The following RIPK1 variants were observed in gnomAD, a reference collection of about 807,000 sequenced individuals.
RIPK1 encodes receptor-interacting serine/threonine-protein kinase 1.
In RIPK1, 27 loss-of-function variants were observed where a neutral mutation model predicts 62.4. The ratio of observed to expected loss-of-function variants is 0.43; its 90% confidence interval spans 0.32 to 0.60. The LOEUF is 0.60. RIPK1 is among the 20% of genes least tolerant of loss of function. The pLI is 0.07. For missense variants in RIPK1, 735 were observed against 831.0 expected (o/e 0.88, Z 1.42); for synonymous variants, 287 against 303.2 (o/e 0.95, Z 0.55).
chr6:3,083,462 G>C, intron 5 of RIPK1, 149 bp downstream of exon 5: 1 of 663,608 alleles, frequency 1.5e-6, no homozygotes, highest in Non-Finnish European at 2.6e-6. Flanking sequence ...AACCTCGATA[G>C]TGTGTCATTA....
intron 2 of RIPK1, among the ~76,000 whole-genome samples, chr6:3,077,511 C>T (rs1479414231): frequency 1.3e-5 from 2 of 151,248 alleles, no homozygotes; most frequent in Non-Finnish European, 2.9e-5. Context: ...GGTTACCTTG[C>T]TGCTGTTCAT....
rs1426842914 is a variant in RIPK1 at position 3,114,147 on chromosome 6, G to A, written c.*808G>A. 1.3e-5 allele frequency: 2 copies of A among 152,184 alleles called. No homozygotes were observed. Among genetic ancestry groups the A allele is most frequent in the Admixed American group, 6.5e-5 (1 of 15,288 alleles). 9.4% of individuals were successfully genotyped at this position (152,184 alleles called of 1,614,324 possible). A position where few individuals can be genotyped will look rare whatever the true frequency, so the allele number is the denominator to read the frequency against. Reference sequence around the variant, plus strand: ...TTGTTGCAAGGAATTGGTACTAACCGTGACTACAACAAAAATTCTTGATTG... The same window carrying A: ...TTGTTGCAAGGAATTGGTACTAACCATGACTACAACAAAAATTCTTGATTG... On this transcript the variant is annotated 3_prime_UTR_variant, in exon 11 of 11. Coordinates refer to ENST00000259808, the MANE Select transcript of RIPK1 (RefSeq NM_001354930.2). The surrounding 1 kb of genome is among the most constrained non-coding windows in gnomAD (Gnocchi z 5.0).
chr6:3,105,909 A>G lies in RIPK1; in HGVS notation c.1434A>G (p.Pro478=), dbSNP rs954753274. ...LYSSHGFGTR[P]LDPGTAGPRV... is the part of the protein sequence containing the mutation. Reference sequence around the variant, plus strand: ...GCTCACATGGCTTTGGAACAAGACCACTGGATCCAGGAACAGCAGGTCCCA... The same window carrying G: ...GCTCACATGGCTTTGGAACAAGACCGCTGGATCCAGGAACAGCAGGTCCCA... The change falls in exon 9 of 11, where the codon CCA becomes CCG. Residue 478 remains proline (P), a synonymous_variant. Coordinates refer to ENST00000259808, the MANE Select transcript of RIPK1 (RefSeq NM_001354930.2). This position sits in a 1 kb window ranked among gnomAD's most constrained non-coding sequence, Gnocchi z 4.5. 3 of 1,614,158 alleles carry G rather than the reference A, an allele frequency of 1.9e-6. No individual in the cohort carries two copies. Among genetic ancestry groups the G allele is most frequent in the East Asian group, 4.5e-5 (2 of 44,886 alleles).
intron 6 of RIPK1, among the ~76,000 whole-genome samples, chr6:3,086,062 T>C (rs1759672954): frequency 6.6e-6 from 1 of 152,104 alleles, no homozygotes; most frequent in Non-Finnish European, 1.5e-5. Flanking sequence ...TCCCCTCCCT[T>C]GTTTAGCTGG....
At chr6:3,103,122 T>C (rs1446038889) in intron 7 of RIPK1, among the ~76,000 whole-genome samples, 1 of 152,118 alleles carries the variant, frequency 6.6e-6, no homozygotes, top group African/African-American at 2.4e-5. Flanking sequence ...TCATGGCTTA[T>C]TGGCCATTTG....
chr6:3,080,256 GA>G lies in RIPK1; in HGVS notation c.322-722del, dbSNP rs1444973525. On this transcript the variant is annotated intron_variant, in intron 3 of 10. Transcript: ENST00000259808. Reference sequence around the variant, plus strand: ...TTAGGAAACATCTTGTTTGTATACTGATTTTTTATTGTTAAGCAAAACTGTA... The same window carrying G: ...TTAGGAAACATCTTGTTTGTATACTGTTTTTTATTGTTAAGCAAAACTGTA... Among the ~76,000 whole-genome samples the G allele has an allele frequency of 1.4e-4, 22 of 152,220 alleles. 1 individual carries two copies. The East Asian group carries it at 4.2e-3, about 29-fold the overall frequency.
chr6:3,099,822 C>A (rs1760504117), intron 7 of RIPK1, among the ~76,000 whole-genome samples: 1 of 152,138 alleles, frequency 6.6e-6, no homozygotes, highest in Non-Finnish European at 1.5e-5. Flanking sequence ...CAACAAACTC[C>A]ACAAGCCCAT....
At chr6:3,102,255 C>T (rs560061404) in intron 7 of RIPK1, among the ~76,000 whole-genome samples, 245 of 152,148 alleles carry the variant, frequency 1.6e-3, no homozygotes, top group Middle Eastern at 6.8e-3. Flanking sequence ...TGGAAAATAC[C>T]ACACCTGACA....
intron 7 of RIPK1, among the ~76,000 whole-genome samples, chr6:3,103,852 ATTC>A (rs1157484837): frequency 6.6e-6 from 1 of 152,212 alleles, no homozygotes; most frequent in Non-Finnish European, 1.5e-5. Context: ...ATATGTGTAT[ATTC>A]AGTTTTCCCC....
At chr6:3,078,952 G>T (rs1255179244) in intron 3 of RIPK1, among the ~76,000 whole-genome samples, 1 of 151,428 alleles carries the variant, frequency 6.6e-6, no homozygotes, top group Non-Finnish European at 1.5e-5. Context: ...TCACTGTGTT[G>T]CCCAGGCTGG....
At position 3,096,566 on chromosome 6, in the gene RIPK1, T is replaced by G. The variant is rs1197647506; in HGVS notation, c.915+6909T>G. On this transcript the variant is annotated intron_variant, in intron 7 of 10. Coordinates refer to ENST00000259808, the MANE Select transcript of RIPK1 (RefSeq NM_001354930.2). ...ATATCTCAAGTTTTTTTTTTTTTTT[T>G]TTTTTTTTTTTGAGACAGAGTCTCG... 5.7e-3 allele frequency among the ~76,000 whole-genome samples: 776 copies of G among 136,152 alleles called. 13 individuals are homozygous for G. Among genetic ancestry groups the G allele is most frequent in the African/African-American group, 0.021 (757 of 36,064 alleles). 89.3% of individuals were successfully genotyped at this position (136,152 alleles called of 152,430 possible).
intron 7 of RIPK1, among the ~76,000 whole-genome samples, chr6:3,103,954 ATATGTGCC>A (rs1275027666): frequency 6.6e-6 from 1 of 152,240 alleles, no homozygotes; most frequent in Non-Finnish European, 1.5e-5. Context: ...CCCCACTGGC[ATATGTGCC>A]TGTCTTTATG....
Position 3,076,783 on chromosome 6 carries a change from G to C in RIPK1, c.-41G>C, listed in dbSNP as rs757724449. 2.4e-5 allele frequency: 38 copies of C among 1,606,026 alleles called. No homozygotes were observed. In the East Asian group the frequency reaches 6.1e-4, roughly 26 times the overall value. On this transcript the variant is annotated 5_prime_UTR_variant, in exon 2 of 11. Coordinates refer to ENST00000259808, the MANE Select transcript of RIPK1 (RefSeq NM_001354930.2). ...TTACAGGGTACAGCTCTGCCGGGGGGGGAAAAAGTGGTACCATTTTGGGCG... is the reference window on the plus strand; with the variant it reads ...TTACAGGGTACAGCTCTGCCGGGGGCGGAAAAAGTGGTACCATTTTGGGCG...
chr6:3,082,386 C>A (rs1759440100), intron 4 of RIPK1, among the ~76,000 whole-genome samples: 1 of 152,204 alleles, frequency 6.6e-6, no homozygotes, highest in African/African-American at 2.4e-5. Context: ...GCTTGGATTC[C>A]TGGAGGCAGA....
In RIPK1 at chr6:3,105,879, A is replaced by G. The variant is rs768650907; in HGVS notation, c.1404A>G (p.Leu468=). 8.2e-5 allele frequency: 132 copies of G among 1,614,076 alleles called. No individual in the cohort carries two copies. The highest frequency in any genetic ancestry group is 1.0e-4 in the Non-Finnish European group (123 of 1,180,038). The change falls in exon 9 of 11, where the codon TTA becomes TTG. Residue 468 remains leucine, a synonymous_variant. Coordinates refer to ENST00000259808, the MANE Select transcript of RIPK1 (RefSeq NM_001354930.2). This position sits in a 1 kb window ranked among gnomAD's most constrained non-coding sequence, Gnocchi z 4.5. ...AAGTACTGTATCAGAACAATGGATT[A>G]TATAGCTCACATGGCTTTGGAACAA... ...QPQVLYQNNG[L]YSSHGFGTRP... is the part of the protein sequence containing the mutation.
At chr6:3,102,974 A>G (rs904266428) in intron 7 of RIPK1, among the ~76,000 whole-genome samples, 1 of 152,176 alleles carries the variant, frequency 6.6e-6, no homozygotes, top group African/African-American at 2.4e-5. Context: ...GCAATGCACA[A>G]GGATTCTAAT....
At chr6:3,082,969 A>G (rs920227838) in intron 4 of RIPK1, 116 bp from the exon 5 acceptor site, 1 of 967,954 alleles carries the variant, frequency 1.0e-6, no homozygotes, top group Non-Finnish European at 1.6e-6. Flanking sequence ...CAGTGCAACC[A>G]TTTCTGGAAA....
At position 3,114,563 on chromosome 6, in the gene RIPK1, GTGA is replaced by G. The variant is rs1315439586; in HGVS notation, c.*1227_*1229del. The G allele has an allele frequency of 6.6e-6, 1 of 152,340 alleles. No individual in the cohort carries two copies. Among genetic ancestry groups the G allele is most frequent in the East Asian group, 1.9e-4 (1 of 5,206 alleles). The allele number at this position is 152,340 out of a possible 1,614,324, so 9.4% of individuals were successfully genotyped here. ...CCAGAGGGAGGGCGAGAAGGGTGTG[GTGA>G]TGGTCAATCTGGCTGTCGGAACAGA... On this transcript the variant is annotated 3_prime_UTR_variant, in exon 11 of 11. Transcript: ENST00000259808. This position sits in a 1 kb window ranked among gnomAD's most constrained non-coding sequence, Gnocchi z 5.0.
chr6:3,077,040 T>C, intron 2 of RIPK1, 53 bp downstream of exon 2: 1 of 1,511,260 alleles, frequency 6.6e-7, no homozygotes. Flanking sequence ...ATGGGGACGT[T>C]GGCTGTTGTG....
Sources: allele counts gnomAD v4.1 joint callset (sites outside exome capture counted in the v4.1 genomes callset), GRCh38; gene constraint gnomAD v4.1.1; non-coding constraint Gnocchi (gnomAD v3.1); transcripts MANE v1.5; gene names NCBI Gene and HGNC (gene_info 2026-07-23, HGNC 2026-07-21).